Variants in CRB1 observed in about 807,000 individuals in gnomAD.
CRB1 encodes the protein protein crumbs homolog 1.
In CRB1, 83 loss-of-function variants were observed where a neutral mutation model predicts 120.0. The observed-to-expected ratio is 0.69, with a 90% CI of 0.58 to 0.83. CRB1 has a LOEUF of 0.83. Among genes scored for constraint, CRB1 ranks in the 40% least tolerant of loss-of-function variants. CRB1 has a pLI of 0.00. For synonymous variants in CRB1, 625 were observed against 612.5 expected, an observed-to-expected ratio of 1.02 and a Z score of -0.30; for missense variants, 1,699 against 1,687.6, an observed-to-expected ratio of 1.01 and a Z score of -0.12.
intron 5 of CRB1, among the ~76,000 whole-genome samples, chr1:197,408,936 T>C (rs1029514591): frequency 6.6e-6 from 1 of 152,246 alleles, no homozygotes; most frequent in Non-Finnish European, 1.5e-5. Flanking sequence ...CTTCAAAGTA[T>C]GACTTTTGAA....
At chr1:197,303,118 T>G (rs7418217) in intron 1 of CRB1, among the ~76,000 whole-genome samples, 52,705 of 151,444 alleles carry the variant, frequency 0.35, 11,598 homozygotes, top group East Asian at 0.78. Flanking sequence ...TTTATTTATT[T>G]ATTTATTTAT....
chr1:197,427,552 G>A lies in CRB1; in HGVS notation c.2227G>A (p.Val743Ile). ...AGACACCATCAGCCTCTCCATGTTT[G>A]TCCGAACGCTTCAACCATCAGGCTT... ...YGDTISLSMF[V>I]RTLQPSGLLL... is the part of the protein sequence containing the mutation. The change falls in exon 7 of 12, where the codon GTC becomes ATC. Residue 743 changes from valine to isoleucine, a missense_variant. Transcript: ENST00000367400. 6.2e-7 allele frequency: 1 copy of A among 1,613,856 alleles called. No individual in the cohort carries two copies.
In CRB1 at chr1:197,328,493, T is replaced by A. The variant is rs765448599; in HGVS notation, c.142T>A (p.Phe48Ile). ...CCAAAACAATTCTACATGCAAAGATTTTTCAAAAGACAATGATTGTTCTTG... is the reference window on the plus strand; with the variant it reads ...CCAAAACAATTCTACATGCAAAGATATTTCAAAAGACAATGATTGTTCTTG... ...SCQNNSTCKD[F>I]SKDNDCSCSD... is the part of the protein sequence containing the mutation. The change falls in exon 2 of 12, where the codon TTT becomes ATT. Residue 48 changes from phenylalanine (F) to isoleucine (I), a missense_variant. Transcript: ENST00000367400. 3 of 1,614,206 alleles carry A rather than the reference T, an allele frequency of 1.9e-6. No individual in the cohort carries two copies. The highest frequency in any genetic ancestry group is 1.6e-4 in the Middle Eastern group (1 of 6,062).
At chr1:197,471,290 G>T (rs1482824119) in intron 11 of CRB1, among the ~76,000 whole-genome samples, 2 of 152,104 alleles carry the variant, frequency 1.3e-5, no homozygotes, top group Non-Finnish European at 2.9e-5. Context: ...CTTTATATTG[G>T]ATTCCTTCTT....
intron 5 of CRB1, among the ~76,000 whole-genome samples, chr1:197,360,196 C>T (rs1326555993): frequency 1.3e-5 from 2 of 152,206 alleles, no homozygotes; most frequent in Non-Finnish European, 2.9e-5. Context: ...ATAAAGCGTC[C>T]TCGCAGACCA....
the CRB1 span, among the ~76,000 whole-genome samples, chr1:197,220,973 C>T: frequency 2.4e-4 from 37 of 152,148 alleles, no homozygotes; most frequent in African/African-American, 8.4e-4. Context: ...TCAGGTAGTT[C>T]TGTATAGCAG....
chr1:197,453,574 A>AGG (rs1491359717), intron 11 of CRB1, among the ~76,000 whole-genome samples: 1 of 110,594 alleles, frequency 9.0e-6, no homozygotes, highest in South Asian at 2.9e-4. Context: ...AGAGAGGGAG[A>AGG]GGGAGAGAGA....
At chr1:197,204,046 T>C in the CRB1 span, among the ~76,000 whole-genome samples, 4 of 152,206 alleles carry the variant, frequency 2.6e-5, no homozygotes, top group Admixed American at 2.6e-4. Flanking sequence ...ACATATGATA[T>C]TTGGTTTTCC....
chr1:197,334,632 T>A (rs147608219), intron 2 of CRB1, among the ~76,000 whole-genome samples: 1 of 152,316 alleles, frequency 6.6e-6, no homozygotes, highest in East Asian at 1.9e-4. Flanking sequence ...TCTTGAACTT[T>A]TAAACATCCG....
intron 5 of CRB1, among the ~76,000 whole-genome samples, chr1:197,368,090 T>G (rs1165996912): frequency 6.6e-6 from 1 of 152,192 alleles, no homozygotes; most frequent in African/African-American, 2.4e-5. Flanking sequence ...AAGCTTCATA[T>G]AGTCATGAAG....
intron 5 of CRB1, among the ~76,000 whole-genome samples, chr1:197,366,682 G>A (rs561481408): frequency 6.6e-6 from 1 of 152,286 alleles, no homozygotes; most frequent in East Asian, 1.9e-4. Flanking sequence ...AGGAGGCAGA[G>A]AATCCTAGTG....
intron 1 of CRB1, among the ~76,000 whole-genome samples, chr1:197,302,761 A>T (rs989162749): frequency 1.3e-5 from 2 of 152,224 alleles, no homozygotes; most frequent in Admixed American, 6.5e-5. Flanking sequence ...GGGAATATTA[A>T]CTAGGGACAC....
intron 8 of CRB1, among the ~76,000 whole-genome samples, chr1:197,432,300 T>C (rs755202752): frequency 1.3e-5 from 2 of 151,570 alleles, no homozygotes; most frequent in Non-Finnish European, 2.9e-5. Context: ...TAAAAACATG[T>C]AATGAAACAC....
At chr1:197,449,397 C>T (rs1448574796) in intron 11 of CRB1, among the ~76,000 whole-genome samples, 4 of 152,020 alleles carry the variant, frequency 2.6e-5, no homozygotes, top group South Asian at 2.1e-4. Flanking sequence ...GATGGAGTCT[C>T]GCACTGTCGC....
intron 7 of CRB1, among the ~76,000 whole-genome samples, chr1:197,428,490 GC>G (rs1664710409): frequency 6.6e-6 from 1 of 152,154 alleles, no homozygotes; most frequent in Non-Finnish European, 1.5e-5. Flanking sequence ...CAAAGCCCAA[GC>G]TTTACTTTAA....
intron 1 of CRB1, among the ~76,000 whole-genome samples, chr1:197,309,590 T>C (rs1341848496): frequency 6.6e-6 from 1 of 151,746 alleles, no homozygotes; most frequent in Non-Finnish European, 1.5e-5. Flanking sequence ...CTGTCTCTAC[T>C]AAAAATACAA....
rs896110070 is a variant in CRB1, at chr1:197,331,034, T to G, written c.652+2031T>G. 4.5e-4 allele frequency among the ~76,000 whole-genome samples: 68 copies of G among 151,978 alleles called. 1 individual carries two copies. Among genetic ancestry groups the G allele is most frequent in the Non-Finnish European group, 9.3e-4 (63 of 67,968 alleles). On this transcript the variant is annotated intron_variant, in intron 2 of 11. Coordinates refer to ENST00000367400, the MANE Select transcript of CRB1 (RefSeq NM_201253.3). ...CGTCTCTACTAAAAATACAAAAAAT[T>G]AGCCAGGTGTGGTGGCGGGCGCCTG...
At chr1:197,321,984 C>T (rs1394195695) in intron 1 of CRB1, among the ~76,000 whole-genome samples, 1 of 152,086 alleles carries the variant, frequency 6.6e-6, no homozygotes, top group Non-Finnish European at 1.5e-5. Flanking sequence ...TTACTCATAA[C>T]CACACATTAT....
intron 5 of CRB1, among the ~76,000 whole-genome samples, chr1:197,371,563 T>G (rs1470876938): frequency 6.6e-6 from 1 of 152,126 alleles, no homozygotes; most frequent in Non-Finnish European, 1.5e-5. Context: ...GAGGTTTGAT[T>G]TTTATCCTTT....
Sources: allele counts gnomAD v4.1 joint callset (sites outside exome capture counted in the v4.1 genomes callset), GRCh38; gene constraint gnomAD v4.1.1; transcripts MANE v1.5; gene names NCBI Gene and HGNC (gene_info 2026-07-23, HGNC 2026-07-21).